The following PDE3B variants were observed in gnomAD, a reference collection of about 807,000 sequenced individuals.
PDE3B encodes phosphodiesterase 3B, also known as cGMP-inhibited 3',5'-cyclic phosphodiesterase 3B.
In PDE3B, 66 loss-of-function variants were observed where a neutral mutation model predicts 116.8. That is an observed-to-expected ratio of 0.56 (90% confidence interval 0.46 to 0.69). The LOEUF (loss-of-function observed/expected upper bound fraction) is 0.69, where lower values mean the gene tolerates loss of function less well. Ranked by LOEUF, PDE3B falls within the 30% of genes least tolerant of loss-of-function variation. PDE3B has a pLI of 0.00. For synonymous variants in PDE3B, 595 were observed against 533.6 expected (o/e 1.12, Z -1.59); for missense variants, 1,384 against 1,368.1 (o/e 1.01, Z -0.18).
chr11:14,701,429 C>T (rs1855358961), intron 1 of PDE3B, among the ~76,000 whole-genome samples: 1 of 151,602 alleles, frequency 6.6e-6, no homozygotes, highest in African/African-American at 2.4e-5. Flanking sequence ...AAATTTCCTT[C>T]AAGTAATATA....
At chr11:14,683,175 G>A in intron 1 of PDE3B, among the ~76,000 whole-genome samples, 1 of 152,024 alleles carries the variant, frequency 6.6e-6, no homozygotes. Context: ...CCTGACCTCA[G>A]GTGATCCGCC....
At chr11:14,815,628 G>T (rs963136397) in intron 5 of PDE3B, among the ~76,000 whole-genome samples, 1 of 152,094 alleles carries the variant, frequency 6.6e-6, no homozygotes, top group Non-Finnish European at 1.5e-5. Flanking sequence ...AATTCATAAT[G>T]AAACATAATC....
chr11:14,778,675 A>G (rs759839083), intron 2 of PDE3B, among the ~76,000 whole-genome samples: 10 of 152,226 alleles, frequency 6.6e-5, no homozygotes, highest in Non-Finnish European at 1.2e-4. Context: ...CGTCACCATC[A>G]TCAAAGACCA....
rs551799574 is a variant in PDE3B, at chr11:14,667,207, TCTCA to T, written c.978+22159_978+22162del. Among the ~76,000 whole-genome samples the T allele has an allele frequency of 2.3e-3, 353 of 150,424 alleles. 1 individual carries two copies. The highest frequency in any genetic ancestry group is 8.2e-3 in the African/African-American group (333 of 40,776). ...GGACAAAAAACCAAACACCACATAT[TCTCA>T]CTCATAGGTGGGAATTGAACAATGA... is the stretch of plus-strand genomic sequence containing the variant. On this transcript the variant is annotated intron_variant, in intron 1 of 15. Transcript: ENST00000282096.
chr11:14,806,871 A>AG (rs1565145909), intron 5 of PDE3B, among the ~76,000 whole-genome samples: 4 of 150,344 alleles, frequency 2.7e-5, no homozygotes, highest in Admixed American at 6.7e-5. Context: ...AAAAAAAAAA[A>AG]AAAAAAAAAG....
chr11:14,852,806 A>G (rs1325812889), intron 12 of PDE3B, among the ~76,000 whole-genome samples: 1 of 152,098 alleles, frequency 6.6e-6, no homozygotes, highest in Non-Finnish European at 1.5e-5. Context: ...CACACCTGTA[A>G]TCTCAGTGCT....
chr11:14,898,096 C>T, the PDE3B span, among the ~76,000 whole-genome samples: 1 of 151,878 alleles, frequency 6.6e-6, no homozygotes, highest in Admixed American at 6.6e-5. Context: ...TCTCTCCCAT[C>T]AAGACTCCTC....
chr11:14,708,664 G>C (rs904370405), intron 1 of PDE3B, among the ~76,000 whole-genome samples: 10 of 152,002 alleles, frequency 6.6e-5, no homozygotes, highest in Non-Finnish European at 1.3e-4. Context: ...GATAACTATA[G>C]TGTGGTTATG....
At position 14,871,837 on chromosome 11, in the gene PDE3B, T is replaced by C. The variant is rs1452654067; in HGVS notation, c.*2177T>C. ...GTGAGAATATATTAAATGCACACTGTACCATTAGATGAAATCTTACTTGAG... is the reference window on the plus strand; with the variant it reads ...GTGAGAATATATTAAATGCACACTGCACCATTAGATGAAATCTTACTTGAG... On this transcript the variant is annotated 3_prime_UTR_variant, in exon 16 of 16. Coordinates refer to ENST00000282096, the MANE Select transcript of PDE3B (RefSeq NM_000922.4). 1.3e-5 allele frequency: 2 copies of C among 152,178 alleles called. No individual in the cohort carries two copies. The highest frequency in any genetic ancestry group is 2.9e-5 in the Non-Finnish European group (2 of 68,000). 9.4% of individuals were successfully genotyped at this position (152,178 alleles called of 1,614,324 possible). A position where few individuals can be genotyped will look rare whatever the true frequency, so the allele number is the denominator to read the frequency against.
At chr11:14,684,874 A>G (rs1565091151) in intron 1 of PDE3B, among the ~76,000 whole-genome samples, 1 of 151,868 alleles carries the variant, frequency 6.6e-6, no homozygotes, top group African/African-American at 2.4e-5. Context: ...GTCAGACCTT[A>G]TGGTTGTCTT....
intron 1 of PDE3B, among the ~76,000 whole-genome samples, chr11:14,683,461 A>G (rs916224880): frequency 6.6e-6 from 1 of 152,134 alleles, no homozygotes; most frequent in African/African-American, 2.4e-5. Context: ...ATTTATGTGT[A>G]AAGTGTTATT....
At chr11:14,648,983 A>G (rs1164644062) in intron 1 of PDE3B, among the ~76,000 whole-genome samples, 1 of 152,198 alleles carries the variant, frequency 6.6e-6, no homozygotes, top group Middle Eastern at 3.2e-3. Flanking sequence ...AACAAATTAT[A>G]GCAGAATGGG....
At chr11:14,755,259 A>G (rs551714088) in intron 1 of PDE3B, among the ~76,000 whole-genome samples, 1 of 152,330 alleles carries the variant, frequency 6.6e-6, no homozygotes, top group African/African-American at 2.4e-5. Flanking sequence ...TATGGCAGAT[A>G]CATTTTCTAG....
At chr11:14,758,617 G>T (rs1407716673) in intron 1 of PDE3B, among the ~76,000 whole-genome samples, 2 of 145,582 alleles carry the variant, frequency 1.4e-5, no homozygotes, top group South Asian at 2.2e-4. Context: ...TCTGTTGTTG[G>T]TGTATAAGAA....
At chr11:14,796,641 T>C (rs1184582786) in intron 4 of PDE3B, among the ~76,000 whole-genome samples, 2 of 152,258 alleles carry the variant, frequency 1.3e-5, no homozygotes, top group African/African-American at 2.4e-5. Context: ...ATTTTTCATA[T>C]GTTTGTTGGC....
intron 1 of PDE3B, among the ~76,000 whole-genome samples, chr11:14,653,536 G>C (rs914402047): frequency 5.9e-5 from 9 of 151,878 alleles, no homozygotes; most frequent in Non-Finnish European, 1.3e-4. Context: ...CTACACTCCA[G>C]CCTGGGCGAC....
At chr11:14,771,088 T>G (rs1489057911) in intron 1 of PDE3B, among the ~76,000 whole-genome samples, 2 of 151,548 alleles carry the variant, frequency 1.3e-5, no homozygotes, top group Non-Finnish European at 1.5e-5. Context: ...CACAAATAGT[T>G]CAATATATAG....
At chr11:14,665,012 T>C (rs1254827350) in intron 1 of PDE3B, among the ~76,000 whole-genome samples, 4 of 151,968 alleles carry the variant, frequency 2.6e-5, no homozygotes, top group Non-Finnish European at 5.9e-5. Context: ...GATGCAAAAA[T>C]CCTCAATAAA....
the PDE3B span, among the ~76,000 whole-genome samples, chr11:14,881,541 A>C: frequency 6.6e-6 from 1 of 152,104 alleles, no homozygotes; most frequent in East Asian, 1.9e-4. Flanking sequence ...TCACATTGAT[A>C]AGTGATTCCC....
Sources: allele counts gnomAD v4.1 joint callset (sites outside exome capture counted in the v4.1 genomes callset), GRCh38; gene constraint gnomAD v4.1.1; transcripts MANE v1.5; gene names NCBI Gene and HGNC (gene_info 2026-07-23, HGNC 2026-07-21).